CEP72: variants seen among roughly 807,000 people sequenced by gnomAD.
CEP72 encodes the protein centrosomal protein of 72 kDa.
In CEP72, 78 loss-of-function variants were observed where a neutral mutation model predicts 65.7. That is an observed-to-expected ratio of 1.19 (90% CI 0.99 to 1.43). The LOEUF is 1.43. Among genes scored for constraint, CEP72 ranks in the 40% most tolerant of loss-of-function variants. The pLI is 0.00. For synonymous variants in CEP72, 358 were observed against 351.7 expected (o/e 1.02, Z -0.20); for missense variants, 914 against 832.9 (o/e 1.10, Z -1.20).
At chr5:633,621 C>A (rs1288596839) in intron 4 of CEP72, 148 bp from the exon 5 acceptor site, 2 of 712,040 alleles carry the variant, frequency 2.8e-6, no homozygotes, top group Non-Finnish European at 4.9e-6. Context: ...AGCATCACTG[C>A]AGTGGAAGCA....
intron 11 of CEP72, among the ~76,000 whole-genome samples, chr5:649,911 T>G (rs1288096082): frequency 1.0e-5 from 1 of 98,936 alleles, no homozygotes; most frequent in Non-Finnish European, 1.9e-5. Flanking sequence ...GACTGAGGTG[T>G]GACTGTGAGG....
intron 1 of CEP72, among the ~76,000 whole-genome samples, chr5:616,894 G>A (rs564079092): frequency 6.7e-6 from 1 of 150,114 alleles, no homozygotes; most frequent in East Asian, 2.0e-4. Context: ...GTCCTGCAAG[G>A]CCCCTCCTGG....
chr5:666,231 G>C, intron 4 of CEP72: 1 of 1,354,074 alleles, frequency 7.4e-7, no homozygotes, highest in Non-Finnish European at 1.0e-6. Context: ...CAGCCCACAG[G>C]CTTCACCCAC....
At position 642,309 on chromosome 5, in the gene CEP72, C is replaced by T. The variant is rs1738107036; in HGVS notation, c.1539+1705C>T. The T allele has an allele frequency of 3.9e-5, 38 of 984,172 alleles. 1 individual carries two copies. In the South Asian group the frequency reaches 1.3e-3, roughly 34 times the overall value. The allele number at this position is 984,172 out of a possible 1,614,324, so 61.0% of individuals were successfully genotyped here. On this transcript the variant is annotated intron_variant, in intron 9 of 11. Coordinates refer to ENST00000264935, the MANE Select transcript of CEP72 (RefSeq NM_018140.4). ...GCCTCTGTATTTAAACACACATGGCCCCTCATCTGGTGGAAGCCTCTGGAT... is the reference window on the plus strand; with the variant it reads ...GCCTCTGTATTTAAACACACATGGCTCCTCATCTGGTGGAAGCCTCTGGAT...
intron 9 of CEP72, 192 bp from the exon 10 acceptor site, chr5:644,107 G>T (rs1368644188): frequency 1.7e-6 from 1 of 592,480 alleles, no homozygotes; most frequent in Non-Finnish European, 2.9e-6. Context: ...CTCCCCTGAG[G>T]GTGCTGCAGG....
At chr5:670,146 G>C (rs1334447369), downstream of CEP72, among the ~76,000 whole-genome samples, 1 of 152,200 alleles carries the variant, frequency 6.6e-6, no homozygotes, top group Non-Finnish European at 1.5e-5. Context: ...GCCTCCAGGA[G>C]CTGGGCTCAG....
chr5:637,951 G>C, intron 7 of CEP72, 133 bp downstream of exon 7: 1 of 892,652 alleles, frequency 1.1e-6, no homozygotes, highest in Non-Finnish European at 1.6e-6. Flanking sequence ...CTGTTACGGC[G>C]GTGCCGTGAT....
At chr5:665,303 G>C (rs1315182185) in exon 3 of CEP72, 1 of 1,609,130 alleles carries the variant, frequency 6.2e-7, no homozygotes, top group African/African-American at 1.3e-5. Flanking sequence ...CTTTCTGCAA[G>C]AGGAGCAGGA....
the CEP72 span, among the ~76,000 whole-genome samples, chr5:675,121 ACAGTGTGGCCAGGGGTG>A: frequency 1.7e-3 from 42 of 24,812 alleles, no homozygotes; most frequent in South Asian, 4.0e-3. Context: ...CACGGGGGGT[ACAGTGTGGCCAGGGGTG>A]CAGTGTGGCC....
chr5:615,177 C>G (rs1046634545), intron 1 of CEP72, among the ~76,000 whole-genome samples: 9 of 149,160 alleles, frequency 6.0e-5, no homozygotes, highest in African/African-American at 2.2e-4. Flanking sequence ...TTCTTGTCCC[C>G]CAGGCTGGAG....
chr5:614,237 T>C (rs1190442443), intron 1 of CEP72, among the ~76,000 whole-genome samples: 1 of 152,158 alleles, frequency 6.6e-6, no homozygotes, highest in African/African-American at 2.4e-5. Flanking sequence ...TTGCTTTGCA[T>C]TTATTTTATA....
chr5:643,732 ACCAGACAC>A, intron 9 of CEP72: 2 of 896,860 alleles, frequency 2.2e-6, no homozygotes, highest in Non-Finnish European at 2.7e-6. Flanking sequence ...CTCACACCTC[ACCAGACAC>A]CCTGGGGCCA....
Position 644,402 on chromosome 5 carries a change from C to T in CEP72, c.1643C>T (p.Ala548Val), listed in dbSNP as rs1259174609. 5 of 1,613,776 alleles carry T rather than the reference C, an allele frequency of 3.1e-6. No homozygotes were observed. Among genetic ancestry groups the T allele is most frequent in the African/African-American group, 1.3e-5 (1 of 74,940 alleles). Residue 548 changes from alanine (A) to valine (V), a missense_variant, in exon 10 of 12, where the codon GCC (alanine) becomes GTC (valine). Ala to Val is a moderately conservative substitution (Grantham distance 64). Coordinates refer to ENST00000264935, the MANE Select transcript of CEP72 (RefSeq NM_018140.4). ...GAAGTGAAGAGTGCAGACACTGCAG[C>T]CACGTTAAATTTGCAGATCGCTGGT... Reference protein sequence around the residue: ...KKEVKSADTAATLNLQIAGLQ... With the variant: ...KKEVKSADTAVTLNLQIAGLQ...
At position 639,218 on chromosome 5, in the gene CEP72, T is replaced by C; in HGVS notation, c.1336T>C (p.Phe446Leu). 6.4e-7 allele frequency: 1 copy of C among 1,574,656 alleles called. No homozygotes were observed. Among genetic ancestry groups the C allele is most frequent in the African/African-American group, 1.4e-5 (1 of 73,902 alleles). ...CAGGTCCCTGCACAGCAACGAGGCA[T>C]TCCTTGGTGAGTCAGGGCGGCCACT... is the stretch of plus-strand genomic sequence containing the variant. Reference protein sequence around the residue: ...GCRSLHSNEAFLAQARHILSS... With the variant: ...GCRSLHSNEALLAQARHILSS... Residue 446 changes from phenylalanine to leucine, a missense_variant, in exon 8 of 12, where the codon TTC becomes CTC. Coordinates refer to ENST00000264935, the MANE Select transcript of CEP72 (RefSeq NM_018140.4).
chr5:615,022 G>T (rs1296913255), intron 1 of CEP72, among the ~76,000 whole-genome samples: 2 of 148,780 alleles, frequency 1.3e-5, no homozygotes, highest in African/African-American at 5.0e-5. Context: ...TTGTGGATTT[G>T]TCTGTTTTTT....
At chr5:642,711 T>C (rs1738139651) in intron 9 of CEP72, 1 of 985,282 alleles carries the variant, frequency 1.0e-6, no homozygotes, top group Admixed American at 6.1e-5. Context: ...GGGTGAGTGA[T>C]CCAGAAGAAT....
chr5:665,289 A>C, exon 3 of CEP72: 1 of 1,612,706 alleles, frequency 6.2e-7, no homozygotes, highest in Non-Finnish European at 8.5e-7. Context: ...GGGCGACGAG[A>C]TGGCTTTCTG....
rs374062964 is a variant in CEP72 at position 643,698 on chromosome 5, C to T, written c.1540-601C>T. 1.2e-5 allele frequency: 12 copies of T among 981,314 alleles called. No individual in the cohort carries two copies. The South Asian group carries it at 1.9e-4, about 15-fold the overall frequency. 60.8% of individuals were successfully genotyped at this position (981,314 alleles called of 1,614,324 possible). ...AGACGGGATCCCTGGGGACCCTGGC[C>T]GCAGGTGCTGGCGGCTTGGATGGCT... is the stretch of plus-strand genomic sequence containing the variant. On this transcript the variant is annotated intron_variant, in intron 9 of 11. Coordinates refer to ENST00000264935, the MANE Select transcript of CEP72 (RefSeq NM_018140.4).
intron 9 of CEP72, chr5:642,525 A>G (rs964056454): frequency 6.3e-5 from 62 of 985,382 alleles, no homozygotes; most frequent in Non-Finnish European, 5.1e-5. Context: ...GGGACGAGAC[A>G]GAGCTGACAG....
Sources: allele counts gnomAD v4.1 joint callset (sites outside exome capture counted in the v4.1 genomes callset), GRCh38; gene constraint gnomAD v4.1.1; transcripts MANE v1.5; gene names NCBI Gene and HGNC (gene_info 2026-07-23, HGNC 2026-07-21).